Variants in COL4A4 observed in about 807,000 individuals in gnomAD.
COL4A4 encodes the protein collagen type IV alpha 4 chain, also known as collagen alpha-4(IV) chain.
In COL4A4, 105 loss-of-function variants were observed where a neutral mutation model predicts 192.9. That is an observed-to-expected ratio of 0.54 (90% CI 0.46 to 0.64). The LOEUF (loss-of-function observed/expected upper bound fraction) is 0.64. Ranked by LOEUF, COL4A4 falls within the 30% of genes least tolerant of loss-of-function variation. COL4A4 has a pLI of 0.00. For synonymous variants in COL4A4, 762 were observed against 769.9 expected, an observed-to-expected ratio of 0.99 and a Z score of 0.17; for missense variants, 1,967 against 2,169.3, an observed-to-expected ratio of 0.91 and a Z score of 1.85.
rs1292007042 is a variant in COL4A4 at position 227,123,800 on chromosome 2, CCA to C, written c.193-2654_193-2653del. On this transcript the variant is annotated intron_variant, in intron 4 of 47. Coordinates refer to ENST00000396625, the MANE Select transcript of COL4A4 (RefSeq NM_000092.5). This position sits in a 1 kb window ranked among gnomAD's most constrained non-coding sequence, Gnocchi z 4.6. ...AGCACGTGCAAGCTGCCAGCAAAGT[CCA>C]TCTGTTCAGGCCGACATAGAACATC... is the stretch of plus-strand genomic sequence containing the variant. Among the ~76,000 whole-genome samples the C allele has an allele frequency of 3.3e-5, 5 of 152,152 alleles. No homozygotes were observed. Among genetic ancestry groups the C allele is most frequent in the African/African-American group, 1.2e-4 (5 of 41,430 alleles).
At chr2:227,042,316 A>G in intron 36 of COL4A4, 61 bp from the exon 37 acceptor site, 1 of 924,252 alleles carries the variant, frequency 1.1e-6, no homozygotes, top group Non-Finnish European at 1.8e-6. Context: ...ATTCACTGCA[A>G]AAGTCATCTA....
chr2:227,062,671 A>C (rs1290060086), intron 25 of COL4A4, 73 bp from the exon 26 acceptor site: 2 of 1,035,862 alleles, frequency 1.9e-6, no homozygotes, highest in Admixed American at 3.5e-5. Flanking sequence ...CTCAATGACA[A>C]CTTCCTCAAG....
chr2:227,085,878 C>T (rs1039856728), intron 22 of COL4A4, among the ~76,000 whole-genome samples: 15 of 152,188 alleles, frequency 9.9e-5, no homozygotes, highest in Admixed American at 2.0e-4. Flanking sequence ...TGACAGTTTG[C>T]GACCTTTGGT....
In COL4A4 at chr2:227,108,862, G is replaced by C. The variant is rs2061011338; in HGVS notation, c.664C>G (p.Pro222Ala). The C allele has an allele frequency of 6.2e-7, 1 of 1,611,670 alleles. No individual in the cohort carries two copies. Among genetic ancestry groups the C allele is most frequent in the African/African-American group, 1.3e-5 (1 of 74,876 alleles). Residue 222 changes from proline to alanine, a missense_variant, in exon 11 of 48, where the codon CCG becomes GCG. Coordinates refer to ENST00000396625, the MANE Select transcript of COL4A4 (RefSeq NM_000092.5). ...YPGEPGLVGPPGQPGRPGLKG... is the reference protein window; with the variant it reads ...YPGEPGLVGPAGQPGRPGLKG... The stretch of plus-strand genomic sequence containing the variant: ...AAACCTGGACGCCCTGGTTGGCCCG[G>C]AGGTCCCTAAATCAAGGGAGAAAAA...
At chr2:227,134,683 A>C (rs1180235865) in intron 4 of COL4A4, among the ~76,000 whole-genome samples, 5 of 152,248 alleles carry the variant, frequency 3.3e-5, no homozygotes, top group Non-Finnish European at 1.5e-5. Context: ...ATAAGGGATG[A>C]GTGAATGAGA....
intron 1 of COL4A4, among the ~76,000 whole-genome samples, chr2:227,158,553 A>C (rs188335354): frequency 6.6e-6 from 1 of 152,230 alleles, no homozygotes; most frequent in African/African-American, 2.4e-5. Flanking sequence ...AGAATGGGAG[A>C]AAATACTCAC....
intron 22 of COL4A4, among the ~76,000 whole-genome samples, chr2:227,082,648 G>C (rs1278540000): frequency 2.6e-5 from 4 of 152,150 alleles, no homozygotes; most frequent in South Asian, 2.1e-4. Flanking sequence ...AAAGAAGAGA[G>C]TGGGATAACT....
chr2:226,993,845 A>ATGTT, the COL4A4 span, among the ~76,000 whole-genome samples: 5 of 152,218 alleles, frequency 3.3e-5, no homozygotes, highest in Non-Finnish European at 7.3e-5. Flanking sequence ...TTTCTCTAAC[A>ATGTT]TCTTTTCACT....
At chr2:227,101,986 C>G (rs2150779263) in intron 15 of COL4A4, 77 bp from the exon 16 acceptor site, 1 of 1,061,436 alleles carries the variant, frequency 9.4e-7, no homozygotes. Context: ...CATTTTTCAC[C>G]TTATCAAATT....
intron 26 of COL4A4, 132 bp from the exon 27 acceptor site, chr2:227,060,375 C>T: frequency 1.5e-6 from 1 of 660,926 alleles, no homozygotes; most frequent in Middle Eastern, 2.6e-4. Context: ...AGGATGTTGC[C>T]TATCCCGATT....
chr2:227,066,529 T>C (rs2058352135), intron 25 of COL4A4, among the ~76,000 whole-genome samples: 1 of 152,098 alleles, frequency 6.6e-6, no homozygotes, highest in African/African-American at 2.4e-5. Flanking sequence ...CGGCAGAAAC[T>C]CTACAAGCCA....
Position 227,052,202 on chromosome 2 carries a change from A to C in COL4A4, c.2968+103T>G, listed in dbSNP as rs1974271026. ...GCAAAACTCCATCTCAAAAAAAAAA[A>C]AGTCTTTTCTAATCTCAGTGTTATT... is the stretch of plus-strand genomic sequence containing the variant. On this transcript the variant is annotated intron_variant, in intron 32 of 47. Coordinates refer to ENST00000396625, the MANE Select transcript of COL4A4 (RefSeq NM_000092.5). 46 of 747,080 alleles carry C rather than the reference A, an allele frequency of 6.2e-5. No homozygotes were observed. In the South Asian group the frequency reaches 6.8e-4, roughly 11 times the overall value. The allele number at this position is 747,080 out of a possible 1,614,324, so 46.3% of individuals were successfully genotyped here.
the COL4A4 span, among the ~76,000 whole-genome samples, chr2:226,968,020 TATCTC>T: frequency 1.3e-5 from 2 of 152,236 alleles, no homozygotes; most frequent in African/African-American, 4.8e-5. Flanking sequence ...GAGTTTTACT[TATCTC>T]ATAGGAGGGT....
chr2:227,012,694 A>G (rs1314028915), intron 44 of COL4A4, among the ~76,000 whole-genome samples: 1 of 151,790 alleles, frequency 6.6e-6, no homozygotes, highest in Non-Finnish European at 1.5e-5. Context: ...TTCCTTAATA[A>G]TGATTGTTTC....
chr2:227,055,830 G>A, intron 30 of COL4A4, 115 bp downstream of exon 30: 1 of 949,790 alleles, frequency 1.1e-6, no homozygotes, highest in East Asian at 2.4e-5. Context: ...TTAAGGGAAG[G>A]ACAAAGCCAG....
chr2:227,032,771 C>T (rs906412070), intron 38 of COL4A4, among the ~76,000 whole-genome samples: 1 of 152,192 alleles, frequency 6.6e-6, no homozygotes, highest in Non-Finnish European at 1.5e-5. Flanking sequence ...AAAGATTTCA[C>T]CTCTCTCCAA....
intron 44 of COL4A4, among the ~76,000 whole-genome samples, chr2:227,013,783 G>A (rs1176698153): frequency 6.6e-6 from 1 of 152,150 alleles, no homozygotes; most frequent in African/African-American, 2.4e-5. Context: ...TTTCACTGTT[G>A]CTTCTTGCCT....
At chr2:226,990,438 G>A in the COL4A4 span, among the ~76,000 whole-genome samples, 4 of 152,150 alleles carry the variant, frequency 2.6e-5, no homozygotes, top group African/African-American at 9.7e-5. Context: ...TAATTTAAGG[G>A]AGAGATACTA....
intron 22 of COL4A4, among the ~76,000 whole-genome samples, chr2:227,083,245 T>C (rs2059416216): frequency 6.6e-6 from 1 of 152,048 alleles, no homozygotes; most frequent in Non-Finnish European, 1.5e-5. Context: ...TATATATATA[T>C]GAACCTATTG....
Sources: allele counts gnomAD v4.1 joint callset (sites outside exome capture counted in the v4.1 genomes callset), GRCh38; gene constraint gnomAD v4.1.1; non-coding constraint Gnocchi (gnomAD v3.1); transcripts MANE v1.5; gene names NCBI Gene and HGNC (gene_info 2026-07-23, HGNC 2026-07-21).